NTM: variants seen among roughly 807,000 people sequenced by gnomAD.
NTM encodes neurotrimin.
Under a neutral mutation model 42.1 loss-of-function variants are expected in NTM, and 13 were observed. That is an observed-to-expected ratio of 0.31 (90% CI 0.20 to 0.49). The LOEUF (loss-of-function observed/expected upper bound fraction) is 0.49. Among genes scored for constraint, NTM ranks in the 20% least tolerant of loss-of-function variants. NTM has a pLI of 0.99. For missense variants in NTM, 373 were observed against 452.8 expected, an observed-to-expected ratio of 0.82 and a Z score of 1.60; for synonymous variants, 187 against 179.2, an observed-to-expected ratio of 1.04 and a Z score of -0.35.
intron 1 of NTM, among the ~76,000 whole-genome samples, chr11:131,891,768 C>T (rs867335350): frequency 1.3e-5 from 2 of 152,174 alleles, no homozygotes; most frequent in African/African-American, 4.8e-5. Context: ...AAATGGCAGG[C>T]CTGTTACATT....
chr11:131,590,514 G>A (rs2059269547), intron 1 of NTM, among the ~76,000 whole-genome samples: 1 of 152,192 alleles, frequency 6.6e-6, no homozygotes, highest in Non-Finnish European at 1.5e-5. Flanking sequence ...CTGGTCTCTG[G>A]TGTCCAAGCA....
intron 1 of NTM, among the ~76,000 whole-genome samples, chr11:131,554,543 TA>T (rs200249211): frequency 0.11 from 14,980 of 132,482 alleles, 928 homozygotes; most frequent in Middle Eastern, 0.25. Flanking sequence ...CACACACATC[TA>T]CAAAAAAAAA....
At chr11:131,620,188 T>C (rs1036212153) in intron 1 of NTM, among the ~76,000 whole-genome samples, 1 of 152,228 alleles carries the variant, frequency 6.6e-6, no homozygotes, top group African/African-American at 2.4e-5. Flanking sequence ...GCAAGTTCTA[T>C]GACTCTAAGT....
intron 4 of NTM, among the ~76,000 whole-genome samples, chr11:132,300,759 G>T (rs1017258997): frequency 6.6e-6 from 1 of 152,188 alleles, no homozygotes; most frequent in African/African-American, 2.4e-5. Context: ...CCATCTGCCT[G>T]CCTGGGACCC....
rs1555127048 is a variant in NTM, at chr11:131,789,429, G to GAA, written c.83-122135_83-122134insAA. Among the ~76,000 whole-genome samples, 101 of 11,978 alleles carry GAA rather than the reference G, an allele frequency of 8.4e-3. 27 individuals are homozygous for GAA. Among genetic ancestry groups the GAA allele is most frequent in the East Asian group, 0.057 (5 of 88 alleles). 7.9% of individuals were successfully genotyped at this position (11,978 alleles called of 152,430 possible). ...TGCAGTTAAAAGAAAAAAAGAAGAA[G>GAA]GAAGAAGAAGAAGAAGAAGAAGAAG... On this transcript the variant is annotated intron_variant, in intron 1 of 8. Transcript: ENST00000683400.
intron 2 of NTM, among the ~76,000 whole-genome samples, chr11:132,058,699 A>C (rs2080125860): frequency 6.6e-6 from 1 of 152,168 alleles, no homozygotes; most frequent in African/African-American, 2.4e-5. Flanking sequence ...TTTATTTAGC[A>C]AGCCACCTAA....
intron 3 of NTM, among the ~76,000 whole-genome samples, chr11:132,152,505 G>C (rs1018417788): frequency 5.9e-5 from 9 of 152,212 alleles, no homozygotes; most frequent in Non-Finnish European, 8.8e-5. Flanking sequence ...TCATAAGACT[G>C]TGTGTCTAAA....
At chr11:131,409,758 A>G (rs2135742505) in intron 1 of NTM, among the ~76,000 whole-genome samples, 1 of 152,312 alleles carries the variant, frequency 6.6e-6, no homozygotes, top group African/African-American at 2.4e-5. Context: ...TGCCTTTGGA[A>G]GCGCCTTTAA....
At chr11:131,512,061 C>T (rs2048319285) in intron 1 of NTM, among the ~76,000 whole-genome samples, 1 of 151,974 alleles carries the variant, frequency 6.6e-6, no homozygotes, top group African/African-American at 2.4e-5. Context: ...CAGGTAAGCA[C>T]CTACTCAAGT....
chr11:131,955,355 C>T (rs2061445517), intron 2 of NTM, among the ~76,000 whole-genome samples: 1 of 151,996 alleles, frequency 6.6e-6, no homozygotes, highest in African/African-American at 2.4e-5. Flanking sequence ...ATCTTTTGTC[C>T]CTATTACCTA....
chr11:132,039,532 C>A (rs563724438), intron 2 of NTM, among the ~76,000 whole-genome samples: 168 of 149,344 alleles, frequency 1.1e-3, no homozygotes, highest in African/African-American at 4.0e-3. Context: ...TGTCTGGATT[C>A]TTTTGCTTTC....
chr11:131,375,510 G>A (rs573054230), intron 1 of NTM, among the ~76,000 whole-genome samples: 1 of 152,168 alleles, frequency 6.6e-6, no homozygotes, highest in South Asian at 2.1e-4. Flanking sequence ...CCCCATTGCC[G>A]GAGGGTGCTT....
chr11:131,500,147 C>A (rs139140404), intron 1 of NTM, among the ~76,000 whole-genome samples: 51 of 152,300 alleles, frequency 3.3e-4, no homozygotes, highest in African/African-American at 1.2e-3. Flanking sequence ...CCCCACAGTC[C>A]CTGAAGCAGA....
At chr11:131,785,818 AAAGAC>A (rs2089071071) in intron 1 of NTM, among the ~76,000 whole-genome samples, 4 of 152,244 alleles carry the variant, frequency 2.6e-5, no homozygotes, top group Non-Finnish European at 5.9e-5. Context: ...TGTGCTTTAT[AAAGAC>A]TGATATGCCT....
chr11:131,795,283 G>T, intron 1 of NTM: 1 of 529,602 alleles, frequency 1.9e-6, no homozygotes, highest in Non-Finnish European at 2.4e-6. Context: ...TTATAGGGTT[G>T]TTGTTAGGAT....
chr11:131,508,642 C>T (rs1405137422), intron 1 of NTM, among the ~76,000 whole-genome samples: 2 of 150,474 alleles, frequency 1.3e-5, no homozygotes, highest in Admixed American at 6.6e-5. Flanking sequence ...ACCCAAATGT[C>T]CAACAATGAT....
intron 7 of NTM, among the ~76,000 whole-genome samples, chr11:132,323,810 CA>C (rs1190656460): frequency 6.6e-6 from 1 of 151,846 alleles, no homozygotes; most frequent in Non-Finnish European, 1.5e-5. Flanking sequence ...AGCAGCACAT[CA>C]AAAAGCTTAT....
At position 132,159,466 on chromosome 11, in the gene NTM, C is replaced by T. The variant is rs574606901; in HGVS notation, c.400+12952C>T. On this transcript the variant is annotated intron_variant, in intron 3 of 8. Transcript: ENST00000683400. ...TTTCTGTTTGGAATTCTGGGAATAT[C>T]GCCTTTGGATTATGGACCTGAAATC... is the stretch of plus-strand genomic sequence containing the variant. Among the ~76,000 whole-genome samples, 158 of 152,254 alleles carry T rather than the reference C, an allele frequency of 1.0e-3. 1 individual carries two copies. Among genetic ancestry groups the T allele is most frequent in the Middle Eastern group, 0.01 (3 of 294 alleles).
intron 2 of NTM, among the ~76,000 whole-genome samples, chr11:132,072,967 G>A (rs768694920): frequency 2.0e-5 from 3 of 152,158 alleles, no homozygotes; most frequent in Non-Finnish European, 2.9e-5. Flanking sequence ...GGCCAGATGC[G>A]TGCAGATCCA....
Sources: allele counts gnomAD v4.1 joint callset (sites outside exome capture counted in the v4.1 genomes callset), GRCh38; gene constraint gnomAD v4.1.1; transcripts MANE v1.5; gene names NCBI Gene and HGNC (gene_info 2026-07-23, HGNC 2026-07-21).